Variants in ADCY2 observed in about 807,000 individuals in gnomAD.
ADCY2 encodes adenylate cyclase type 2.
ADCY2 carries 31 observed loss-of-function variants against 125.2 expected under a neutral mutation model. That is an observed-to-expected ratio of 0.25 (90% CI 0.19 to 0.33). ADCY2 has a LOEUF of 0.33. Ranked by LOEUF, ADCY2 falls within the 10% of genes least tolerant of loss-of-function variation. The pLI is 1.00. For synonymous variants in ADCY2, 512 were observed against 548.4 expected, an observed-to-expected ratio of 0.93 and a Z score of 0.93; for missense variants, 904 against 1,418.2, an observed-to-expected ratio of 0.64 and a Z score of 5.82.
Position 7,828,266 on chromosome 5 carries a change from A to G in ADCY2, c.*1395A>G, listed in dbSNP as rs566433445. 1 of 152,878 alleles carries G rather than the reference A, an allele frequency of 6.5e-6. No homozygotes were observed. The highest frequency in any genetic ancestry group is 6.5e-5 in the Admixed American group (1 of 15,304). 9.5% of individuals were successfully genotyped at this position (152,878 alleles called of 1,614,324 possible). The stretch of plus-strand genomic sequence containing the variant: ...CATCTGTAAGAAGTAGAGAACCCAG[A>G]TGATCTCTTAGGAAGCCTTTTATTC... On this transcript the variant is annotated 3_prime_UTR_variant, in exon 25 of 25. Coordinates refer to ENST00000338316, the MANE Select transcript of ADCY2 (RefSeq NM_020546.3).
chr5:7,473,976 C>T (rs1327844778), intron 2 of ADCY2, among the ~76,000 whole-genome samples: 2 of 152,218 alleles, frequency 1.3e-5, no homozygotes, highest in Admixed American at 6.5e-5. Flanking sequence ...TCCGTTTGTT[C>T]AGCCACAAAT....
At chr5:7,691,052 T>G in intron 5 of ADCY2, 1 of 447,202 alleles carries the variant, frequency 2.2e-6, no homozygotes, top group Non-Finnish European at 3.6e-6. Flanking sequence ...CTGTTTGCTG[T>G]GTTGGATTGA....
chr5:7,650,100 A>G (rs1162024516), intron 4 of ADCY2, among the ~76,000 whole-genome samples: 7 of 152,206 alleles, frequency 4.6e-5, no homozygotes, highest in East Asian at 1.9e-4. Flanking sequence ...TGTATCCACT[A>G]TACAGCAGCC....
intron 2 of ADCY2, among the ~76,000 whole-genome samples, chr5:7,415,340 C>T (rs1456445793): frequency 6.6e-6 from 1 of 152,170 alleles, no homozygotes; most frequent in African/African-American, 2.4e-5. Context: ...TTAGCAAACC[C>T]ATCGTACCAC....
At chr5:7,807,557 G>A (rs181123461) in intron 22 of ADCY2, among the ~76,000 whole-genome samples, 2 of 152,116 alleles carry the variant, frequency 1.3e-5, no homozygotes, top group East Asian at 1.9e-4. Context: ...TGCTCCCTCT[G>A]TGTGGGACAT....
At chr5:7,613,273 T>C (rs1470946908) in intron 3 of ADCY2, among the ~76,000 whole-genome samples, 1 of 151,970 alleles carries the variant, frequency 6.6e-6, no homozygotes, top group Non-Finnish European at 1.5e-5. Context: ...AAGGCACAAA[T>C]AGCTCAACTA....
At chr5:7,469,934 TTC>T (rs1242045542) in intron 2 of ADCY2, among the ~76,000 whole-genome samples, 2 of 151,816 alleles carry the variant, frequency 1.3e-5, no homozygotes, top group Admixed American at 6.6e-5. Flanking sequence ...TAGGTTTTCA[TTC>T]TGTTTCTCTC....
At chr5:7,448,634 C>T (rs983459801) in intron 2 of ADCY2, among the ~76,000 whole-genome samples, 1 of 152,096 alleles carries the variant, frequency 6.6e-6, no homozygotes, top group Non-Finnish European at 1.5e-5. Flanking sequence ...TGCTCTCCCT[C>T]CCCTACCCTC....
At chr5:7,512,233 A>AAAAAAAAAAAAAAAAAAAAAAAAAAC (rs1561066830) in intron 2 of ADCY2, among the ~76,000 whole-genome samples, 1 of 143,758 alleles carries the variant, frequency 7.0e-6, no homozygotes, top group South Asian at 2.2e-4. Context: ...AAAAAAAAAA[A>AAAAAAAAAAAAAAAAAAAAAAAAAAC]AAAAAAAGAA....
chr5:7,709,532 A>G lies in ADCY2; in HGVS notation c.1578+145A>G, dbSNP rs1741372412. 4 of 1,009,030 alleles carry G rather than the reference A, an allele frequency of 4.0e-6. No individual in the cohort carries two copies. Among genetic ancestry groups the G allele is most frequent in the Non-Finnish European group, 5.6e-6 (4 of 712,628 alleles). The allele number at this position is 1,009,030 out of a possible 1,614,324, so 62.5% of individuals were successfully genotyped here. A position where few individuals can be genotyped will look rare whatever the true frequency, so the allele number is the denominator to read the frequency against. On this transcript the variant is annotated intron_variant, in intron 10 of 24. Coordinates refer to ENST00000338316, the MANE Select transcript of ADCY2 (RefSeq NM_020546.3). This position sits in a 1 kb window ranked among gnomAD's most constrained non-coding sequence, Gnocchi z 4.4. ...CTTCTTCTCAGAGAGGCCCTTATGA[A>G]CAACCATCAGGGTATGAGTGAGCTC... is the stretch of plus-strand genomic sequence containing the variant.
At chr5:7,525,325 G>T (rs1280859686) in intron 3 of ADCY2, among the ~76,000 whole-genome samples, 1 of 152,098 alleles carries the variant, frequency 6.6e-6, no homozygotes, top group African/African-American at 2.4e-5. Context: ...TATTTATTTT[G>T]ATGTCCACAT....
intron 2 of ADCY2, among the ~76,000 whole-genome samples, chr5:7,501,795 C>T (rs968310153): frequency 6.6e-6 from 1 of 151,972 alleles, no homozygotes; most frequent in Non-Finnish European, 1.5e-5. Context: ...CAAGGGGCGT[C>T]CACCAGGCAG....
Position 7,717,212 on chromosome 5 carries a change from G to A in ADCY2, c.1678G>A (p.Ala560Thr). Residue 560 changes from alanine (A) to threonine (T), a missense_variant, in exon 12 of 25, where the codon GCA (alanine) becomes ACA (threonine). By Grantham distance (58) the Ala-to-Thr change is moderately conservative. Around this residue, in one of 7 missense-constraint regions of ADCY2, gnomAD observed 144 missense variants for 227.7 expected, o/e 0.63. Transcript: ENST00000338316. ...EEELNERMIQ[A>T]IDGINAQKQW... is the part of the protein sequence containing the mutation. ...AGAATTGAATGAAAGGATGATTCAA[G>A]CAATTGATGGGATTAATGCACAGAA... 1 of 1,610,066 alleles carries A rather than the reference G, an allele frequency of 6.2e-7. No homozygotes were observed. Among genetic ancestry groups the A allele is most frequent in the Non-Finnish European group, 8.5e-7 (1 of 1,177,364 alleles).
At chr5:7,502,235 A>G (rs1414663220) in intron 2 of ADCY2, among the ~76,000 whole-genome samples, 2 of 152,180 alleles carry the variant, frequency 1.3e-5, no homozygotes, top group Admixed American at 1.3e-4. Context: ...CCTCTGCCTA[A>G]GCACACTATG....
At chr5:7,723,651 G>A (rs570470925) in intron 12 of ADCY2, among the ~76,000 whole-genome samples, 5 of 152,118 alleles carry the variant, frequency 3.3e-5, no homozygotes, top group East Asian at 1.9e-4. Context: ...GGACAGGCGC[G>A]GTGGCTCACG....
At chr5:7,479,840 T>A (rs252545) in intron 2 of ADCY2, among the ~76,000 whole-genome samples, 2 of 151,970 alleles carry the variant, frequency 1.3e-5, no homozygotes, top group African/African-American at 2.4e-5. Flanking sequence ...TGGGTGAGAA[T>A]GTGCAAAGTT....
At chr5:7,685,517 A>AT (rs1257562304) in intron 4 of ADCY2, among the ~76,000 whole-genome samples, 2 of 152,068 alleles carry the variant, frequency 1.3e-5, no homozygotes, top group Non-Finnish European at 2.9e-5. Flanking sequence ...ATGATGACCA[A>AT]TTTTTTTTGT....
intron 1 of ADCY2, among the ~76,000 whole-genome samples, chr5:7,408,437 G>A (rs1159574240): frequency 1.3e-5 from 2 of 151,726 alleles, no homozygotes; most frequent in East Asian, 2.0e-4. Flanking sequence ...GCACAATCTC[G>A]GCTCACTGCA....
chr5:7,715,518 G>T (rs1194449267), intron 11 of ADCY2, among the ~76,000 whole-genome samples: 2 of 150,692 alleles, frequency 1.3e-5, no homozygotes, highest in African/African-American at 4.9e-5. Flanking sequence ...ATGAGAATGT[G>T]CAAGCCACAC....
Sources: gnomAD v4.1 joint callset for allele counts (sites outside exome capture counted in the v4.1 genomes callset) on GRCh38, gnomAD v4.1.1 for gene constraint, gnomAD v4.1.1 regional missense constraint, Gnocchi (gnomAD v3.1) non-coding constraint, MANE v1.5 for transcripts, NCBI Gene and HGNC (gene_info 2026-07-23, HGNC 2026-07-21) for gene names.